Variants in GAS5 observed in about 807,000 individuals in gnomAD.
GAS5 encodes growth arrest specific 5.
chr1:173,865,870 C>T (rs565468741), exon 5 of GAS5: 1 of 517,294 alleles, frequency 1.9e-6, no homozygotes, highest in East Asian at 5.5e-5. Context: ...AACCATTAAG[C>T]TGGTCCAGGC....
chr1:173,867,306 G>A (rs920298480), upstream of GAS5: 2 of 456,288 alleles, frequency 4.4e-6, no homozygotes, highest in Non-Finnish European at 7.9e-6. Context: ...GATCACCTGA[G>A]GTCAGGAGTT....
At chr1:173,867,159 C>T (rs1654854765), upstream of GAS5, 2 of 583,328 alleles carry the variant, frequency 3.4e-6, no homozygotes, top group African/African-American at 1.9e-5. Context: ...ACATACCATT[C>T]ATTATCTAGC....
chr1:173,866,331 ATGATT>A (rs758435682), intron 3 of GAS5: 1 of 521,280 alleles, frequency 1.9e-6, no homozygotes, highest in Non-Finnish European at 3.8e-6. Context: ...ACATCTCTTC[ATGATT>A]AAATCTGCTG....
At chr1:173,868,571 G>A (rs889486533), upstream of GAS5, among the ~76,000 whole-genome samples, 1 of 152,086 alleles carries the variant, frequency 6.6e-6, no homozygotes, top group Admixed American at 6.5e-5. Context: ...CTTGGCCCCC[G>A]GCCGGGCTGA....
chr1:173,865,225 A>T, intron 6 of GAS5: 1 of 354,510 alleles, frequency 2.8e-6, no homozygotes, highest in Non-Finnish European at 5.5e-6. Context: ...TGGAACTGCT[A>T]TACCTTTGCT....
At chr1:173,867,306 G>C (rs920298480), upstream of GAS5, 1 of 456,170 alleles carries the variant, frequency 2.2e-6, no homozygotes. Flanking sequence ...GATCACCTGA[G>C]GTCAGGAGTT....
upstream of GAS5, chr1:173,867,656 C>A (rs1392852111): frequency 5.8e-6 from 3 of 519,058 alleles, no homozygotes; most frequent in East Asian, 5.5e-5. Flanking sequence ...ATAGCTTACT[C>A]GGGTGACTCG....
At chr1:173,865,380 CT>C in intron 6 of GAS5, 1 of 515,516 alleles carries the variant, frequency 1.9e-6, no homozygotes. Flanking sequence ...TCTCCATTTT[CT>C]TTCTCAGAGA....
At chr1:173,864,386 G>C in intron 6 of GAS5, 2 of 519,024 alleles carry the variant, frequency 3.9e-6, no homozygotes, top group Non-Finnish European at 7.7e-6. Context: ...GAATCAAAAT[G>C]GAACGGTTTT....
chr1:173,867,502 G>A (rs1261628606), upstream of GAS5: 9 of 371,520 alleles, frequency 2.4e-5, no homozygotes, highest in South Asian at 1.8e-4. Flanking sequence ...ACAGAACGAG[G>A]CTCGGTCTCA....
chr1:173,866,031 G>T (rs1654548629), intron 4 of GAS5: 1 of 519,160 alleles, frequency 1.9e-6, no homozygotes, highest in African/African-American at 1.9e-5. Flanking sequence ...CATCCAGGCT[G>T]CATTTACAAA....
chr1:173,867,634 C>A, upstream of GAS5: 1 of 518,780 alleles, frequency 1.9e-6, no homozygotes, highest in South Asian at 1.4e-5. Flanking sequence ...GCTCGGGTCA[C>A]GGCCCTTAAC....
exon 7 of GAS5, chr1:173,864,287 TTG>T: frequency 1.9e-6 from 1 of 513,410 alleles, no homozygotes; most frequent in Non-Finnish European, 3.9e-6. Flanking sequence ...TGCTTGCTTG[TTG>T]TGGTCATTAA....
chr1:173,865,193 CT>C, intron 6 of GAS5: 1 of 296,240 alleles, frequency 3.4e-6, no homozygotes, highest in Non-Finnish European at 6.3e-6. Context: ...AGACTCTTGT[CT>C]AAAAAAAAAA....
At chr1:173,867,399 C>A, upstream of GAS5, 1 of 352,854 alleles carries the variant, frequency 2.8e-6, no homozygotes, top group Non-Finnish European at 5.5e-6. Flanking sequence ...GCCTGTAGTC[C>A]CAGTTACTTG....
upstream of GAS5, chr1:173,867,116 A>C (rs535246393): frequency 3.1e-5 from 19 of 609,816 alleles, no homozygotes; most frequent in South Asian, 3.8e-4. Context: ...CTTTAAAAAA[A>C]CGGTTCGTCT....
chr1:173,868,671 T>TA (rs960999114), upstream of GAS5: 1 of 152,508 alleles, frequency 6.6e-6, no homozygotes, highest in Non-Finnish European at 1.5e-5. Flanking sequence ...CACACCCAGA[T>TA]ACGCACACCC....
At chr1:173,868,879 G>A (rs1655267977), upstream of GAS5, 1 of 152,960 alleles carries the variant, frequency 6.5e-6, no homozygotes, top group Non-Finnish European at 1.5e-5. Context: ...CTGCTCAAGT[G>A]CTGGAGTGGC....
upstream of GAS5, chr1:173,867,484 C>T (rs1258933963): frequency 5.4e-6 from 2 of 367,472 alleles, no homozygotes; most frequent in Admixed American, 6.7e-5. Context: ...TGCATTCCAG[C>T]CTGGGTGACA....
Sources: gnomAD v4.1 joint callset for allele counts (sites outside exome capture counted in the v4.1 genomes callset) on GRCh38, gnomAD v4.1.1 for gene constraint, MANE v1.5 for transcripts, NCBI Gene and HGNC (gene_info 2026-07-23, HGNC 2026-07-21) for gene names.